CHN2: variants seen among roughly 807,000 people sequenced by gnomAD.
The protein encoded by CHN2 is beta-chimaerin.
A neutral mutation model predicts 56.3 loss-of-function variants in CHN2; 35 were observed. The observed-to-expected ratio is 0.62, with a 90% confidence interval of 0.47 to 0.82. The LOEUF is 0.82. Ranked by LOEUF, CHN2 falls within the 40% of genes least tolerant of loss-of-function variation. The pLI is 0.00. For synonymous variants in CHN2, 210 were observed against 212.8 expected, an observed-to-expected ratio of 0.99 and a Z score of 0.12; for missense variants, 491 against 580.5, an observed-to-expected ratio of 0.85 and a Z score of 1.58.
intron 6 of CHN2, among the ~76,000 whole-genome samples, chr7:29,430,181 A>G (rs1470864694): frequency 6.6e-6 from 1 of 152,226 alleles, no homozygotes; most frequent in African/African-American, 2.4e-5. Flanking sequence ...TCCTGAACAG[A>G]AAGGCCAAGA....
At position 29,243,492 on chromosome 7, in the gene CHN2, G is replaced by A. The variant is rs542843552; in HGVS notation, c.49+48502G>A. On this transcript the variant is annotated intron_variant, in intron 1 of 12. Transcript: ENST00000222792. The stretch of plus-strand genomic sequence containing the variant: ...GGGAAATGAATAAAACCATTTATAT[G>A]ACAATATCTTCATTTGCCTATTTTT... 2.0e-5 allele frequency among the ~76,000 whole-genome samples: 3 copies of A among 152,272 alleles called. No homozygotes were observed. The East Asian group carries it at 5.8e-4, about 29-fold the overall frequency.
At chr7:29,412,236 C>A (rs1585305712) in intron 6 of CHN2, among the ~76,000 whole-genome samples, 1 of 151,896 alleles carries the variant, frequency 6.6e-6, no homozygotes, top group East Asian at 1.9e-4. Context: ...TCATCCTTTA[C>A]CTCCTGGCTC....
chr7:29,504,322 C>A (rs559532840), intron 9 of CHN2, among the ~76,000 whole-genome samples: 64 of 152,182 alleles, frequency 4.2e-4, no homozygotes, highest in African/African-American at 1.4e-3. Context: ...ATCTCATATA[C>A]CCCATAAATA....
intron 12 of CHN2, among the ~76,000 whole-genome samples, chr7:29,512,047 G>A (rs1355398704): frequency 6.6e-6 from 1 of 152,052 alleles, no homozygotes; most frequent in Non-Finnish European, 1.5e-5. Flanking sequence ...ATAACGGCCT[G>A]ACTCTTCCTC....
chr7:29,241,413 C>T (rs984658330), intron 1 of CHN2, among the ~76,000 whole-genome samples: 1 of 152,104 alleles, frequency 6.6e-6, no homozygotes, highest in Admixed American at 6.5e-5. Flanking sequence ...CCAGGCTCCT[C>T]CCCAATGCAA....
chr7:29,220,760 T>C (rs1187936148), intron 1 of CHN2, among the ~76,000 whole-genome samples: 1 of 152,182 alleles, frequency 6.6e-6, no homozygotes, highest in Non-Finnish European at 1.5e-5. Context: ...CAAACTCTTA[T>C]AGAAAATAGA....
chr7:29,351,504 G>A (rs527298808), intron 1 of CHN2, among the ~76,000 whole-genome samples: 1 of 152,286 alleles, frequency 6.6e-6, no homozygotes, highest in South Asian at 2.1e-4. Flanking sequence ...AGAAAAATCA[G>A]CTCTCTGTGA....
intron 6 of CHN2, among the ~76,000 whole-genome samples, chr7:29,456,022 C>CCAA (rs1376985432): frequency 1.3e-5 from 2 of 152,180 alleles, no homozygotes; most frequent in African/African-American, 4.8e-5. Flanking sequence ...GGAGTCAAAA[C>CCAA]CAATAATAAT....
intron 1 of CHN2, among the ~76,000 whole-genome samples, chr7:29,274,190 T>A (rs781047242): frequency 6.6e-6 from 1 of 152,236 alleles, no homozygotes; most frequent in East Asian, 1.9e-4. Flanking sequence ...TTGAACGTCC[T>A]ATTGGACAGG....
intron 1 of CHN2, among the ~76,000 whole-genome samples, chr7:29,216,892 A>G (rs1418100783): frequency 6.6e-6 from 1 of 152,194 alleles, no homozygotes; most frequent in Non-Finnish European, 1.5e-5. Flanking sequence ...ACTTATTTGT[A>G]TGTACCTGAG....
chr7:29,327,627 T>G (rs1795909859), intron 1 of CHN2, among the ~76,000 whole-genome samples: 1 of 152,186 alleles, frequency 6.6e-6, no homozygotes, highest in African/African-American at 2.4e-5. Context: ...GTCCTGATTC[T>G]TTGCCTGTAA....
intron 1 of CHN2, among the ~76,000 whole-genome samples, chr7:29,340,235 A>G (rs1370982391): frequency 6.6e-6 from 1 of 152,186 alleles, no homozygotes; most frequent in Non-Finnish European, 1.5e-5. Context: ...AATTTGTACA[A>G]ATAACTGAAT....
At chr7:29,390,535 TTTA>T (rs1231652716) in intron 3 of CHN2, among the ~76,000 whole-genome samples, 1 of 152,218 alleles carries the variant, frequency 6.6e-6, no homozygotes, top group Non-Finnish European at 1.5e-5. Context: ...CCTAAATTTT[TTTA>T]TTAAGTTGCC....
intron 1 of CHN2, among the ~76,000 whole-genome samples, chr7:29,237,322 C>G (rs1046377569): frequency 1.3e-5 from 2 of 151,594 alleles, no homozygotes; most frequent in Non-Finnish European, 3.0e-5. Flanking sequence ...CTTTGCAGGT[C>G]TGTAAATTCC....
intron 1 of CHN2, among the ~76,000 whole-genome samples, chr7:29,212,104 T>TA (rs1320168011): frequency 5.9e-5 from 9 of 152,142 alleles, no homozygotes; most frequent in East Asian, 1.9e-4. Context: ...GACTCTTTTT[T>TA]AAAAAAAGAA....
At chr7:29,446,313 A>G (rs934537501) in intron 6 of CHN2, among the ~76,000 whole-genome samples, 1 of 152,168 alleles carries the variant, frequency 6.6e-6, no homozygotes, top group Non-Finnish European at 1.5e-5. Context: ...AGCAAAAAAG[A>G]ATCACCTTTT....
chr7:29,399,407 C>T (rs1802022977), intron 5 of CHN2, among the ~76,000 whole-genome samples: 1 of 152,170 alleles, frequency 6.6e-6, no homozygotes, highest in South Asian at 2.1e-4. Flanking sequence ...CCCTTCAGGC[C>T]AATGAGCCAG....
At chr7:29,363,251 C>T (rs1340489470) in intron 2 of CHN2, among the ~76,000 whole-genome samples, 3 of 152,150 alleles carry the variant, frequency 2.0e-5, no homozygotes, top group South Asian at 4.1e-4. Context: ...TTTGGGAGGC[C>T]GAAGCAGGTG....
intron 2 of CHN2, among the ~76,000 whole-genome samples, chr7:29,180,630 A>G (rs555761708): frequency 6.6e-6 from 1 of 152,352 alleles, no homozygotes; most frequent in East Asian, 1.9e-4. Flanking sequence ...CAATAAAAAT[A>G]CCTTTGGCAC....
Sources: gnomAD v4.1 joint callset for allele counts (sites outside exome capture counted in the v4.1 genomes callset) on GRCh38, gnomAD v4.1.1 for gene constraint, MANE v1.5 for transcripts, NCBI Gene and HGNC (gene_info 2026-07-23, HGNC 2026-07-21) for gene names.